MGAT5: variants seen among roughly 807,000 people sequenced by gnomAD.
The protein encoded by MGAT5 is alpha-1,6-mannosylglycoprotein 6-beta-N-acetylglucosaminyltransferase, also known as alpha-1,6-mannosylglycoprotein 6-beta-N-acetylglucosaminyltransferase A.
A neutral mutation model predicts 94.3 loss-of-function variants in MGAT5; 30 were observed. The observed-to-expected ratio is 0.32, with a 90% CI of 0.24 to 0.43. The LOEUF (loss-of-function observed/expected upper bound fraction) is 0.43, where lower values mean the gene tolerates loss of function less well. Among genes scored for constraint, MGAT5 ranks in the 20% least tolerant of loss-of-function variants. MGAT5 has a pLI of 1.00. For synonymous variants in MGAT5, 310 were observed against 322.9 expected, an observed-to-expected ratio of 0.96 and a Z score of 0.43; for missense variants, 691 against 905.5, an observed-to-expected ratio of 0.76 and a Z score of 3.04.
At position 134,450,830 on chromosome 2, in the gene MGAT5, G is replaced by GTA. The variant is rs1331468742; in HGVS notation, c.*1985_*1986dup. Reference sequence around the variant, plus strand: ...TGTGTGTGTGTGTGTGTGTGTGTGTGTATGAGCCTGTGCATTTCTTTTAAG... The same window carrying GTA: ...TGTGTGTGTGTGTGTGTGTGTGTGTGTATATGAGCCTGTGCATTTCTTTTAAG... On this transcript the variant is annotated 3_prime_UTR_variant, in exon 16 of 16. Coordinates refer to ENST00000281923, the MANE Select transcript of MGAT5 (RefSeq NM_002410.5). The GTA allele has an allele frequency of 7.6e-6, 1 of 132,010 alleles. No homozygotes were observed. Among genetic ancestry groups the GTA allele is most frequent in the African/African-American group, 3.0e-5 (1 of 33,126 alleles). The allele number at this position is 132,010 out of a possible 1,614,324, so 8.2% of individuals were successfully genotyped here. A position where few individuals can be genotyped will look rare whatever the true frequency, so the allele number is the denominator to read the frequency against.
At chr2:134,160,299 G>A (rs1469809374) in intron 1 of MGAT5, among the ~76,000 whole-genome samples, 1 of 152,112 alleles carries the variant, frequency 6.6e-6, no homozygotes, top group South Asian at 2.1e-4. Context: ...TCAGCCTCCC[G>A]AGCAGCCGGG....
chr2:134,426,760 G>A (rs1487236133), intron 13 of MGAT5, among the ~76,000 whole-genome samples: 1 of 151,146 alleles, frequency 6.6e-6, no homozygotes, highest in Non-Finnish European at 1.5e-5. Flanking sequence ...CTGTGTCTGG[G>A]TTAGAGAGGG....
chr2:134,329,211 G>C (rs1015026247), intron 4 of MGAT5, among the ~76,000 whole-genome samples: 1 of 152,088 alleles, frequency 6.6e-6, no homozygotes, highest in African/African-American at 2.4e-5. Context: ...GGCTTATGTA[G>C]GGCAGGGTGA....
At chr2:134,195,787 C>T (rs1192668432) in intron 1 of MGAT5, among the ~76,000 whole-genome samples, 1 of 152,162 alleles carries the variant, frequency 6.6e-6, no homozygotes, top group African/African-American at 2.4e-5. Context: ...TTCTTAATGG[C>T]TGGGTAATCT....
chr2:134,138,783 T>C lies in MGAT5; in HGVS notation c.-143+18492T>C, dbSNP rs563071957. Among the ~76,000 whole-genome samples, 7 of 152,302 alleles carry C rather than the reference T, an allele frequency of 4.6e-5. No individual in the cohort carries two copies. The South Asian group carries it at 1.4e-3, about 32-fold the overall frequency. On this transcript the variant is annotated intron_variant, in intron 1 of 16. Coordinates refer to the MGAT5 transcript ENST00000409645. ...AGTATGTTGTCTGGGGTGACTCACA[T>C]AATAAGCAAGGTGGTCATATAATTT...
rs1686230046 is a variant in MGAT5 at position 134,453,976 on chromosome 2, TCGTCA to T, written c.*5130_*5134del. On this transcript the variant is annotated 3_prime_UTR_variant, in exon 16 of 16. Coordinates refer to ENST00000281923, the MANE Select transcript of MGAT5 (RefSeq NM_002410.5). ...TGGAATTTGCTGGAGTTTGGTGACT[TCGTCA>T]AATTCCTTTGGATTCTGTTCCGCCA... The T allele has an allele frequency of 1.3e-5, 2 of 152,214 alleles. No homozygotes were observed. The highest frequency in any genetic ancestry group is 1.3e-4 in the Admixed American group (2 of 15,280). The allele number at this position is 152,214 out of a possible 1,614,324, so 9.4% of individuals were successfully genotyped here. A position where few individuals can be genotyped will look rare whatever the true frequency, so the allele number is the denominator to read the frequency against.
intron 2 of MGAT5, among the ~76,000 whole-genome samples, chr2:134,275,578 C>CTTTTTTTT (rs11409592): frequency 5.0e-5 from 4 of 79,586 alleles, no homozygotes; most frequent in Admixed American, 1.6e-4. Flanking sequence ...GTGCTATTTC[C>CTTTTTTTT]TTTTTTTTTT....
intron 1 of MGAT5, among the ~76,000 whole-genome samples, chr2:134,256,332 A>G (rs1348297811): frequency 6.6e-6 from 1 of 152,244 alleles, no homozygotes; most frequent in Non-Finnish European, 1.5e-5. Flanking sequence ...ATGACACAGC[A>G]GGTAACACAG....
intron 1 of MGAT5, among the ~76,000 whole-genome samples, chr2:134,142,437 C>T (rs1686701617): frequency 6.6e-6 from 1 of 152,200 alleles, no homozygotes; most frequent in Admixed American, 6.5e-5. Context: ...AGTGACAACA[C>T]TGGAGCCCTC....
At chr2:134,250,604 A>G (rs1036222390), upstream of MGAT5, among the ~76,000 whole-genome samples, 2 of 152,144 alleles carry the variant, frequency 1.3e-5, no homozygotes, top group Non-Finnish European at 2.9e-5. Flanking sequence ...CTTAATAGGA[A>G]TTGTAGAGAT....
chr2:134,418,778 C>T (rs1684114137), intron 12 of MGAT5, among the ~76,000 whole-genome samples: 2 of 152,218 alleles, frequency 1.3e-5, no homozygotes, highest in African/African-American at 2.4e-5. Context: ...AGCATGAATA[C>T]TGACAAGTCG....
chr2:134,179,098 G>A (rs979287633), intron 1 of MGAT5, among the ~76,000 whole-genome samples: 7 of 152,152 alleles, frequency 4.6e-5, no homozygotes, highest in African/African-American at 9.7e-5. Flanking sequence ...GATGAACAAG[G>A]CCTTCTTGCT....
At chr2:134,172,727 A>G (rs921205609) in intron 1 of MGAT5, among the ~76,000 whole-genome samples, 3 of 152,218 alleles carry the variant, frequency 2.0e-5, no homozygotes, top group Admixed American at 2.0e-4. Context: ...TGTAGCACTT[A>G]AACCCACTGC....
intron 1 of MGAT5, among the ~76,000 whole-genome samples, chr2:134,186,684 A>G (rs1689052312): frequency 1.3e-5 from 2 of 152,154 alleles, no homozygotes; most frequent in Non-Finnish European, 2.9e-5. Context: ...TGTGGATAGC[A>G]TGGATGCCCA....
At chr2:134,272,672 TA>T (rs1273964765) in intron 2 of MGAT5, among the ~76,000 whole-genome samples, 8 of 152,322 alleles carry the variant, frequency 5.3e-5, no homozygotes, top group Admixed American at 3.9e-4. Flanking sequence ...TGATTTTACT[TA>T]ATCTTCTTAG....
chr2:134,314,208 C>T (rs776201673), intron 2 of MGAT5, among the ~76,000 whole-genome samples: 1 of 152,190 alleles, frequency 6.6e-6, no homozygotes, highest in Non-Finnish European at 1.5e-5. Context: ...TACCTGAGAA[C>T]CTTGAGCACT....
At chr2:134,152,491 G>C (rs1250344799) in intron 1 of MGAT5, among the ~76,000 whole-genome samples, 1 of 152,148 alleles carries the variant, frequency 6.6e-6, no homozygotes, top group East Asian at 1.9e-4. Flanking sequence ...ATCCCCTGTG[G>C]GACCCACTCA....
chr2:134,304,965 A>G (rs1407839294), intron 2 of MGAT5, among the ~76,000 whole-genome samples: 2 of 152,198 alleles, frequency 1.3e-5, no homozygotes, highest in Non-Finnish European at 2.9e-5. Context: ...TAGGTTTCAT[A>G]TCACTCTGGA....
intron 1 of MGAT5, among the ~76,000 whole-genome samples, chr2:134,133,177 C>T (rs1372283581): frequency 6.6e-6 from 1 of 152,188 alleles, no homozygotes; most frequent in Non-Finnish European, 1.5e-5. Flanking sequence ...CTTATTGCCA[C>T]ATTTCTGAAT....
Sources: allele counts gnomAD v4.1 joint callset (sites outside exome capture counted in the v4.1 genomes callset), GRCh38; gene constraint gnomAD v4.1.1; transcripts MANE v1.5; gene names NCBI Gene and HGNC (gene_info 2026-07-23, HGNC 2026-07-21).